The following UNC13A variants were observed in gnomAD, a reference collection of about 807,000 sequenced individuals.
UNC13A encodes the protein unc-13 homolog A.
In UNC13A, 61 loss-of-function variants were observed where a neutral mutation model predicts 219.7. The observed-to-expected ratio is 0.28, with a 90% confidence interval of 0.23 to 0.34. The LOEUF (loss-of-function observed/expected upper bound fraction) is 0.34. UNC13A is among the 10% of genes least tolerant of loss of function. The pLI is 1.00. For synonymous variants in UNC13A, 920 were observed against 884.6 expected (o/e 1.04, Z -0.71); for missense variants, 1,476 against 2,270.3 (o/e 0.65, Z 7.11).
At chr19:17,621,996 G>A (rs2076734046) in intron 36 of UNC13A, 126 bp from the exon 37 acceptor site, 6 of 941,234 alleles carry the variant, frequency 6.4e-6, no homozygotes, top group Non-Finnish European at 1.7e-6. Flanking sequence ...TGACTGGGTT[G>A]CATGGGGATA....
At chr19:17,629,163 G>A in intron 31 of UNC13A, 77 bp downstream of exon 31, 1 of 1,278,974 alleles carries the variant, frequency 7.8e-7, no homozygotes, top group Non-Finnish European at 1.1e-6. Context: ...AGGTGTCAGG[G>A]CCCTGGGGAG....
At chr19:17,666,823 C>G (rs2079656782) in intron 6 of UNC13A, 119 bp from the exon 7 acceptor site, 1 of 591,180 alleles carries the variant, frequency 1.7e-6, no homozygotes, top group Non-Finnish European at 2.6e-6. Context: ...TTCTCTCCCT[C>G]TCTATGAGAA....
Position 17,658,205 on chromosome 19 carries a change from G to A in UNC13A, c.624C>T (p.Ser208=), listed in dbSNP as rs2079493567. The A allele has an allele frequency of 3.1e-6, 5 of 1,613,820 alleles. No individual in the cohort carries two copies. The highest frequency in any genetic ancestry group is 4.2e-6 in the Non-Finnish European group (5 of 1,179,874). ...DSDYRSETSN[S]IPPPYYTTSQ... ...ACGTAGTATAATAGGGCGGCGGGATGCTGTTGCTCGTTTCACTGCGGTAGT... is the reference window on the plus strand; with the variant it reads ...ACGTAGTATAATAGGGCGGCGGGATACTGTTGCTCGTTTCACTGCGGTAGT... Residue 208 remains serine, a synonymous_variant, in exon 9 of 44, where the codon AGC becomes AGT. Transcript: ENST00000519716.
intron 38 of UNC13A, among the ~76,000 whole-genome samples, chr19:17,619,670 C>A (rs996549120): frequency 6.6e-6 from 1 of 152,034 alleles, no homozygotes; most frequent in African/African-American, 2.4e-5. Context: ...TGGGCTCAAT[C>A]GATCCTCCTA....
intron 6 of UNC13A, among the ~76,000 whole-genome samples, chr19:17,667,110 G>T (rs2145895156): frequency 6.6e-6 from 1 of 152,250 alleles, no homozygotes; most frequent in Non-Finnish European, 1.5e-5. Context: ...AATTAGCCAG[G>T]TATGGTGGCG....
rs1568503079 is a variant in UNC13A, at chr19:17,617,778, C to G, written c.4482G>C (p.Leu1494Phe). The G allele has an allele frequency of 6.2e-7, 1 of 1,613,458 alleles. No homozygotes were observed. The change falls in exon 41 of 44, where the codon TTG becomes TTC. Residue 1494 changes from leucine (L) to phenylalanine (F), a missense_variant. Leu to Phe is a conservative substitution (Grantham distance 22). This residue lies in a region of UNC13A where 77 missense variants were observed against 94.8 expected (regional missense o/e 0.81). Coordinates refer to ENST00000519716, the MANE Select transcript of UNC13A (RefSeq NM_001080421.3). ...FLEKSPDLQS[L>F]RYALSLYTQA... is the part of the protein sequence containing the mutation. ...GCGTGTAGAGCGACAGGGCATAGCG[C>G]AAGGATTGCAGGTCCGGGCTCTTCT...
intron 1 of UNC13A, 92 bp downstream of exon 1, chr19:17,688,086 C>T: frequency 6.9e-7 from 1 of 1,454,242 alleles, no homozygotes; most frequent in Non-Finnish European, 9.1e-7. Context: ...CTCGGGTCAC[C>T]CCCCAGGAAC....
chr19:17,680,889 CTTTTTTT>C lies in UNC13A; in HGVS notation c.23-4855_23-4849del, dbSNP rs375785182. 7.9e-3 allele frequency among the ~76,000 whole-genome samples: 386 copies of C among 48,680 alleles called. 2 individuals are homozygous for C. The highest frequency in any genetic ancestry group is 0.042 in the Middle Eastern group (2 of 48). 31.9% of individuals were successfully genotyped at this position (48,680 alleles called of 152,430 possible). The stretch of plus-strand genomic sequence containing the variant: ...TTCTTCTTTTTTTTTCTTTTCTTTT[CTTTTTTT>C]TTTTTTTTTTTTTTTTGACAGGGTC... On this transcript the variant is annotated intron_variant, in intron 1 of 43. Transcript: ENST00000519716.
intron 41 of UNC13A, 53 bp from the exon 42 acceptor site, chr19:17,611,908 C>G: frequency 6.6e-7 from 1 of 1,507,852 alleles, no homozygotes; most frequent in Non-Finnish European, 9.2e-7. Flanking sequence ...TTCCCACCCA[C>G]CAGGAGGGAC....
At position 17,606,346 on chromosome 19, in the gene UNC13A, C is replaced by G; in HGVS notation, c.4820G>C (p.Ser1607Thr). The G allele has an allele frequency of 6.5e-7, 1 of 1,544,904 alleles. No homozygotes were observed. Among genetic ancestry groups the G allele is most frequent in the East Asian group, 2.4e-5 (1 of 40,894 alleles). ...KYNESFQFTLSADAGPECYEL... is the reference protein window; with the variant it reads ...KYNESFQFTLTADAGPECYEL... ...ATAGCACTCGGGACCCGCGTCGGCG[C>G]TCAGCGTGCTGCGTGGGGAGGGGCG... is the stretch of plus-strand genomic sequence containing the variant. The change falls in exon 44 of 44, where the codon AGC (serine) becomes ACC (threonine). Residue 1607 changes from serine to threonine, a missense_variant. Ser to Thr is a moderately conservative substitution (Grantham distance 58). Transcript: ENST00000519716.
chr19:17,656,573 C>T (rs113233141), intron 9 of UNC13A, among the ~76,000 whole-genome samples, 175 bp from the exon 10 acceptor site: 2,816 of 152,230 alleles, frequency 0.018, 77 homozygotes, highest in African/African-American at 0.064. Flanking sequence ...CGCTTTTGGC[C>T]AGGTGCGGTG....
chr19:17,648,022 TC>T (rs2079272302), intron 16 of UNC13A, among the ~76,000 whole-genome samples: 1 of 61,102 alleles, frequency 1.6e-5, no homozygotes, highest in Admixed American at 2.1e-4. Context: ...CCCCTTCCAA[TC>T]CCCCCCTCCA....
In UNC13A at chr19:17,630,292, C is replaced by G. The variant is rs758573882; in HGVS notation, c.3526-4G>C. The G allele has an allele frequency of 6.4e-7, 1 of 1,561,376 alleles. No homozygotes were observed. On this transcript the variant is annotated splice_region_variant and splice_polypyrimidine_tract_variant and intron_variant, in intron 29 of 43. Transcript: ENST00000519716. Reference sequence around the variant, plus strand: ...CATGCTCTGAGGTCTGCTGGAACTGCAGGGGGAAGGAGGCCAAGAGGAAGG... The same window carrying G: ...CATGCTCTGAGGTCTGCTGGAACTGGAGGGGGAAGGAGGCCAAGAGGAAGG...
chr19:17,666,621 T>G, intron 7 of UNC13A, 29 bp downstream of exon 7: 1 of 1,453,770 alleles, frequency 6.9e-7, no homozygotes, highest in Non-Finnish European at 9.1e-7. Flanking sequence ...TTTCAGCTGA[T>G]ACCCAAGGAA....
intron 41 of UNC13A, among the ~76,000 whole-genome samples, chr19:17,615,211 T>C (rs2076650279): frequency 6.6e-6 from 1 of 152,314 alleles, no homozygotes; most frequent in Admixed American, 6.5e-5. Flanking sequence ...AGGCTAGGCA[T>C]GGAGGCTCAT....
chr19:17,667,041 C>T (rs2079666992), intron 6 of UNC13A, among the ~76,000 whole-genome samples: 1 of 152,092 alleles, frequency 6.6e-6, no homozygotes, highest in Non-Finnish European at 1.5e-5. Context: ...ATCACGAGGT[C>T]AAGAGATCGA....
At chr19:17,685,612 A>G (rs938091085) in intron 1 of UNC13A, among the ~76,000 whole-genome samples, 1 of 152,188 alleles carries the variant, frequency 6.6e-6, no homozygotes, top group Non-Finnish European at 1.5e-5. Context: ...TGCTGGGACT[A>G]TATCTGTAGC....
At position 17,629,224 on chromosome 19, in the gene UNC13A, G is replaced by A; in HGVS notation, c.3753+16C>T. ...GGGCTGAGGAGGGAGATAGGTCAGG[G>A]GCCCCCTCAGGTCACCACTTTCTCC... On this transcript the variant is annotated intron_variant, in intron 31 of 43. Transcript: ENST00000519716. 2 of 1,598,352 alleles carry A rather than the reference G, an allele frequency of 1.3e-6. No individual in the cohort carries two copies. Among genetic ancestry groups the A allele is most frequent in the Non-Finnish European group, 1.7e-6 (2 of 1,173,008 alleles).
In UNC13A at chr19:17,636,131, C is replaced by T. The variant is rs77267738; in HGVS notation, c.3108G>A (p.Glu1036=). The T allele has an allele frequency of 0.051, 82,440 of 1,603,706 alleles. 2,658 individuals carry two copies. The highest frequency in any genetic ancestry group is 0.062 in the Middle Eastern group (376 of 6,048). Residue 1036 remains glutamate, a synonymous_variant, in exon 26 of 44, where the codon GAG becomes GAA. Coordinates refer to ENST00000519716, the MANE Select transcript of UNC13A (RefSeq NM_001080421.3). ...DPAKKGEVLP[E]EQGPSIKNLD... Reference sequence around the variant, plus strand: ...GGTTCTTGATGCTGGGCCCCTGTTCCTCTGGGAGAACTTCCCCCTTCTTGG... The same window carrying T: ...GGTTCTTGATGCTGGGCCCCTGTTCTTCTGGGAGAACTTCCCCCTTCTTGG...
Sources: allele counts gnomAD v4.1 joint callset (sites outside exome capture counted in the v4.1 genomes callset), GRCh38; gene constraint gnomAD v4.1.1; regional missense constraint gnomAD v4.1.1; transcripts MANE v1.5; gene names NCBI Gene and HGNC (gene_info 2026-07-23, HGNC 2026-07-21).